The following JMJD6 variants were observed in gnomAD, a reference collection of about 807,000 sequenced individuals.
JMJD6 encodes bifunctional arginine demethylase and lysyl-hydroxylase JMJD6.
In JMJD6, 17 loss-of-function variants were observed where a neutral mutation model predicts 45.8. The ratio of observed to expected loss-of-function variants is 0.37; its 90% CI spans 0.25 to 0.56. JMJD6 has a LOEUF of 0.56. JMJD6 is among the 20% of genes least tolerant of loss of function. The probability of loss-of-function intolerance (pLI) is 0.79; values close to 1 mark genes in which losing one functional copy is unlikely to be tolerated. For missense variants in JMJD6, 470 were observed against 517.5 expected (o/e 0.91, Z 0.89); for synonymous variants, 221 against 196.3 (o/e 1.13, Z -1.05).
intron 5 of JMJD6, 114 bp from the exon 6 acceptor site, chr17:76,718,974 G>T (rs2076791670): frequency 2.0e-6 from 2 of 1,006,346 alleles, no homozygotes; most frequent in Non-Finnish European, 2.9e-6. Context: ...TCTCCCAAAT[G>T]CAAAGCAGTC....
At chr17:76,720,655 G>C (rs1283378470) in intron 4 of JMJD6, 157 bp from the exon 5 acceptor site, 1 of 653,680 alleles carries the variant, frequency 1.5e-6, no homozygotes, top group African/African-American at 1.8e-5. Flanking sequence ...CAAAACCCCA[G>C]GCTGGGAACA....
At chr17:76,714,849 A>T (rs1299435161), downstream of JMJD6, 1 of 152,204 alleles carries the variant, frequency 6.6e-6, no homozygotes, top group Admixed American at 6.5e-5. Flanking sequence ...GGATCTCACT[A>T]TGTTGCCCAG....
At chr17:76,721,965 G>A (rs1290088163) in intron 3 of JMJD6, 32 bp from the exon 4 acceptor site, 3 of 1,612,240 alleles carry the variant, frequency 1.9e-6, no homozygotes. Flanking sequence ...GTTAAACAAG[G>A]TTTGATCCTA....
downstream of JMJD6, chr17:76,715,020 C>T (rs1021366834): frequency 1.3e-5 from 2 of 152,112 alleles, no homozygotes; most frequent in Non-Finnish European, 2.9e-5. Context: ...TCCTACCACG[C>T]CCCCTGGTGG....
chr17:76,726,339 C>G lies in JMJD6; in HGVS notation c.129+8G>C, dbSNP rs2076933889. The G allele has an allele frequency of 6.4e-7, 1 of 1,571,488 alleles. No homozygotes were observed. Among genetic ancestry groups the G allele is most frequent in the Non-Finnish European group, 8.6e-7 (1 of 1,162,408 alleles). ...CCCGGCCTGGCCACCCCCGCCCGAC[C>G]CGCTCACCGCCACGGCCGCCGGGCT... is the stretch of plus-strand genomic sequence containing the variant. On this transcript the variant is annotated splice_region_variant and intron_variant, in intron 1 of 5. Coordinates refer to ENST00000397625, the MANE Select transcript of JMJD6 (RefSeq NM_015167.3).
chr17:76,720,323 G>C, intron 5 of JMJD6, 37 bp downstream of exon 5: 1 of 1,597,916 alleles, frequency 6.3e-7, no homozygotes, highest in South Asian at 1.1e-5. Context: ...CATGAGCCTT[G>C]GAGGCTCCAG....
chr17:76,721,308 G>T, intron 4 of JMJD6: 1 of 451,794 alleles, frequency 2.2e-6, no homozygotes, highest in East Asian at 6.9e-5. Context: ...ACAGTGGCAC[G>T]GGGTGGCTGT....
chr17:76,722,397 A>G (rs2076836561), intron 3 of JMJD6, among the ~76,000 whole-genome samples: 1 of 152,182 alleles, frequency 6.6e-6, no homozygotes, highest in African/African-American at 2.4e-5. Context: ...TCCTGACTCA[A>G]CACGGACAGT....
chr17:76,726,408 G>C lies in JMJD6; in HGVS notation c.68C>G (p.Ser23Trp), dbSNP rs1490052400. Reference sequence around the variant, plus strand: ...GTAGTTGTGCCGGGTCCAATCCAGCGAGTCCTTGAGCTCCGGCCGCGCACT... The same window carrying C: ...GTAGTTGTGCCGGGTCCAATCCAGCCAGTCCTTGAGCTCCGGCCGCGCACT... ...KRSARPELKD[S>W]LDWTRHNYYE... Residue 23 changes from serine (S) to tryptophan (W), a missense_variant, in exon 1 of 6, where the codon TCG becomes TGG. Ser to Trp is a radical substitution (Grantham distance 177). Around this residue, in one of 4 missense-constraint regions of JMJD6, gnomAD observed 346 missense variants for 339.5 expected, o/e 1.02. Transcript: ENST00000397625. 14 of 1,605,396 alleles carry C rather than the reference G, an allele frequency of 8.7e-6. No individual in the cohort carries two copies. Among genetic ancestry groups the C allele is most frequent in the South Asian group, 3.3e-5 (3 of 90,098 alleles).
At chr17:76,716,412 G>A (rs1048920297), downstream of JMJD6, 6 of 401,628 alleles carry the variant, frequency 1.5e-5, no homozygotes, top group East Asian at 1.3e-4. Flanking sequence ...TGACTGGCTC[G>A]GTTTTCAATG....
downstream of JMJD6, chr17:76,715,246 T>G (rs2076755996): frequency 6.6e-6 from 1 of 152,116 alleles, no homozygotes; most frequent in South Asian, 2.1e-4. Context: ...GATTATACAT[T>G]CAGAGTTTGA....
At chr17:76,722,510 A>C (rs1356121314) in intron 3 of JMJD6, among the ~76,000 whole-genome samples, 1 of 152,172 alleles carries the variant, frequency 6.6e-6, no homozygotes, top group African/African-American at 2.4e-5. Flanking sequence ...TGAACCAAGG[A>C]GGCCAGCCTG....
chr17:76,712,869 CAA>C (rs1219537200), exon 7 of JMJD6: 1 of 152,166 alleles, frequency 6.6e-6, no homozygotes, highest in Non-Finnish European at 1.5e-5. Context: ...AAATGATGAA[CAA>C]GTTTCACCCA....
At chr17:76,715,431 G>A (rs1293728632), downstream of JMJD6, 1 of 152,254 alleles carries the variant, frequency 6.6e-6, no homozygotes, top group Non-Finnish European at 1.5e-5. Flanking sequence ...GACAAAAATA[G>A]AGAACCAGCC....
chr17:76,723,325 T>G (rs201165244), intron 3 of JMJD6, among the ~76,000 whole-genome samples: 1 of 152,208 alleles, frequency 6.6e-6, no homozygotes, highest in African/African-American at 2.4e-5. Flanking sequence ...TAGCTACATG[T>G]TACTGTCAGA....
In JMJD6 at chr17:76,725,453, G is replaced by A. The variant is rs767466341; in HGVS notation, c.518+14C>T. ...AGAAAAGGATTTTAACCACTTAGCT[G>A]CAGAATACTTTACCTGTAAGGGGGC... is the stretch of plus-strand genomic sequence containing the variant. On this transcript the variant is annotated intron_variant, in intron 2 of 5. Coordinates refer to ENST00000397625, the MANE Select transcript of JMJD6 (RefSeq NM_015167.3). 6.4e-7 allele frequency: 1 copy of A among 1,552,218 alleles called. No individual in the cohort carries two copies. Among genetic ancestry groups the A allele is most frequent in the Non-Finnish European group, 8.7e-7 (1 of 1,148,922 alleles).
At chr17:76,716,870 A>T, downstream of JMJD6, 3 of 706,184 alleles carry the variant, frequency 4.2e-6, no homozygotes, top group South Asian at 3.3e-5. Flanking sequence ...CAAATTACAA[A>T]GTCACAGATC....
At chr17:76,716,825 G>T, downstream of JMJD6, 1 of 1,174,192 alleles carries the variant, frequency 8.5e-7, no homozygotes, top group Non-Finnish European at 1.3e-6. Flanking sequence ...ACCCCACGTG[G>T]AAGTCATGGC....
Position 76,720,510 on chromosome 17 carries a change from G to A in JMJD6, c.942-12C>T, listed in dbSNP as rs751161090. 6.2e-7 allele frequency: 1 copy of A among 1,613,640 alleles called. No homozygotes were observed. Among genetic ancestry groups the A allele is most frequent in the African/African-American group, 1.3e-5 (1 of 74,908 alleles). Reference sequence around the variant, plus strand: ...CTTGCTTCAAAATCCTGAGAGGCAAGAAGTGTTGTTCTCAGTGCACTGACA... The same window carrying A: ...CTTGCTTCAAAATCCTGAGAGGCAAAAAGTGTTGTTCTCAGTGCACTGACA... On this transcript the variant is annotated splice_polypyrimidine_tract_variant and intron_variant, in intron 4 of 5. Transcript: ENST00000397625.
Sources: gnomAD v4.1 joint callset for allele counts (sites outside exome capture counted in the v4.1 genomes callset) on GRCh38, gnomAD v4.1.1 for gene constraint, gnomAD v4.1.1 regional missense constraint, MANE v1.5 for transcripts, NCBI Gene and HGNC (gene_info 2026-07-23, HGNC 2026-07-21) for gene names.